FANCD2OS: variants seen among roughly 807,000 people sequenced by gnomAD.
FANCD2OS encodes FANCD2 opposite strand.
Under a neutral mutation model 13.2 loss-of-function variants are expected in FANCD2OS, and 11 were observed. That is an observed-to-expected ratio of 0.83 (90% CI 0.52 to 1.38). The LOEUF is 1.38. Ranked by LOEUF, FANCD2OS falls within the 40% of genes most tolerant of loss-of-function variation. The pLI is 0.00. For missense variants in FANCD2OS, 217 were observed against 213.9 expected (o/e 1.01, Z -0.09); for synonymous variants, 69 against 84.5 (o/e 0.82, Z 1.01).
chr3:10,098,595 A>C, downstream of FANCD2OS: 1 of 1,156,018 alleles, frequency 8.7e-7, no homozygotes, highest in Non-Finnish European at 1.2e-6. Context: ...GTTGGTATCC[A>C]TGTTTGCTGT....
chr3:10,104,106 AATC>A lies in FANCD2OS; in HGVS notation c.*132_*134del. On this transcript the variant is annotated 3_prime_UTR_variant, in exon 2 of 2. Transcript: ENST00000450660. ...GGGGAAGGGATGAAAGGGGCTCCTGAATCATCACTGCTTGAAACAAAAGCAAGA... is the reference window on the plus strand; with the variant it reads ...GGGGAAGGGATGAAAGGGGCTCCTGAATCACTGCTTGAAACAAAAGCAAGA... 1.3e-6 allele frequency: 1 copy of A among 782,002 alleles called. No homozygotes were observed. Among genetic ancestry groups the A allele is most frequent in the Non-Finnish European group, 2.0e-6 (1 of 504,880 alleles). The allele number at this position is 782,002 out of a possible 1,614,324, so 48.4% of individuals were successfully genotyped here.
intron 2 of FANCD2OS, chr3:10,096,305 A>G: frequency 6.2e-7 from 1 of 1,613,184 alleles, no homozygotes; most frequent in Admixed American, 1.7e-5. Flanking sequence ...CAAAAGATGG[A>G]TGTTATTTAT....
chr3:10,089,141 C>G (rs56252804), intron 2 of FANCD2OS, among the ~76,000 whole-genome samples: 2 of 151,940 alleles, frequency 1.3e-5, no homozygotes, highest in Non-Finnish European at 2.9e-5. Context: ...AAAAATTAGC[C>G]GGGCGTGGTG....
downstream of FANCD2OS, chr3:10,099,035 G>A: frequency 6.2e-7 from 1 of 1,607,486 alleles, no homozygotes; most frequent in South Asian, 1.1e-5. Flanking sequence ...TCGAGTTGTG[G>A]CATTTGTTAT....
chr3:10,096,806 T>C (rs1208974893), intron 2 of FANCD2OS, among the ~76,000 whole-genome samples: 1 of 152,210 alleles, frequency 6.6e-6, no homozygotes, highest in Non-Finnish European at 1.5e-5. Flanking sequence ...AACATTTTTG[T>C]ATAGGGACAA....
intron 2 of FANCD2OS, among the ~76,000 whole-genome samples, chr3:10,092,684 CTTTTTTTTTTTTT>C (rs565351425): frequency 2.8e-5 from 2 of 72,050 alleles, no homozygotes; most frequent in Middle Eastern, 7.4e-3. Flanking sequence ...TCTTTCATGT[CTTTTTTTTTTTTT>C]TTTTTTTTTT....
intron 2 of FANCD2OS, chr3:10,094,799 G>T: frequency 3.0e-6 from 1 of 332,370 alleles, no homozygotes; most frequent in Non-Finnish European, 5.8e-6. Flanking sequence ...CAGGGCTAGA[G>T]TGATGAATTA....
intron 2 of FANCD2OS, chr3:10,096,325 G>C (rs367976708): frequency 6.2e-7 from 1 of 1,613,916 alleles, no homozygotes; most frequent in Non-Finnish European, 8.5e-7. Flanking sequence ...TTTCCATTCA[G>C]ATTCACCAGG....
intron 2 of FANCD2OS, chr3:10,090,395 A>G: frequency 6.4e-7 from 1 of 1,565,826 alleles, no homozygotes; most frequent in South Asian, 1.1e-5. Context: ...GGTGAGTAAG[A>G]TAATAGTCAC....
At chr3:10,093,604 A>G (rs574353490) in intron 2 of FANCD2OS, among the ~76,000 whole-genome samples, 3 of 152,312 alleles carry the variant, frequency 2.0e-5, no homozygotes, top group African/African-American at 7.2e-5. Context: ...CTTCCGTGCC[A>G]TTCCTTACCA....
chr3:10,084,956 C>G (rs1694090590), intron 2 of FANCD2OS, among the ~76,000 whole-genome samples: 2 of 152,148 alleles, frequency 1.3e-5, no homozygotes, highest in Non-Finnish European at 2.9e-5. Flanking sequence ...AAAGGTGTCA[C>G]TATGATCTAC....
chr3:10,100,004 C>T (rs1041655519), downstream of FANCD2OS, among the ~76,000 whole-genome samples: 3 of 151,584 alleles, frequency 2.0e-5, no homozygotes, highest in Non-Finnish European at 4.4e-5. Context: ...AAGACCAACC[C>T]GAGACCCCAT....
intron 1 of FANCD2OS, among the ~76,000 whole-genome samples, chr3:10,105,424 G>C (rs975287493): frequency 1.3e-5 from 2 of 151,958 alleles, no homozygotes; most frequent in Non-Finnish European, 2.9e-5. Context: ...CTTATTACTT[G>C]AGATTAGAAG....
intron 1 of FANCD2OS, among the ~76,000 whole-genome samples, chr3:10,105,041 CAG>C (rs1275761865): frequency 1.3e-4 from 20 of 152,072 alleles, no homozygotes; most frequent in African/African-American, 4.6e-4. Context: ...TTTGTAGTGA[CAG>C]AGTTTTGCCA....
Position 10,090,487 on chromosome 3 carries a change from G to A in FANCD2OS, c.*44-8956C>T, listed in dbSNP as rs1161661748. The A allele has an allele frequency of 4.3e-6, 3 of 693,278 alleles. No homozygotes were observed. The African/African-American group carries it at 7.6e-5, about 18-fold the overall frequency. The allele number at this position is 693,278 out of a possible 1,614,324, so 42.9% of individuals were successfully genotyped here. A position where few individuals can be genotyped will look rare whatever the true frequency, so the allele number is the denominator to read the frequency against. On this transcript the variant is annotated intron_variant, in intron 2 of 2. Transcript: ENST00000524279. ...TTTTTTTTTTCTGAGACAGAGTCTTGCTTGTTCTGTTGCCCAGACTGGAGT... is the reference window on the plus strand; with the variant it reads ...TTTTTTTTTTCTGAGACAGAGTCTTACTTGTTCTGTTGCCCAGACTGGAGT...
At chr3:10,095,371 A>G in intron 2 of FANCD2OS, 1 of 987,566 alleles carries the variant, frequency 1.0e-6, no homozygotes, top group African/African-American at 1.6e-5. Flanking sequence ...CTTCCTTTAT[A>G]TCTGGGACTG....
chr3:10,099,687 G>C (rs1271316185), downstream of FANCD2OS: 1 of 152,946 alleles, frequency 6.5e-6, no homozygotes, highest in African/African-American at 2.4e-5. Context: ...GAACCTGGGA[G>C]GTGGAGGTTG....
At chr3:10,106,980 T>C (rs952713504) in intron 1 of FANCD2OS, among the ~76,000 whole-genome samples, 2 of 152,228 alleles carry the variant, frequency 1.3e-5, no homozygotes, top group East Asian at 3.8e-4. Flanking sequence ...GGGGGATTTG[T>C]TGATTTTCTC....
intron 2 of FANCD2OS, chr3:10,088,911 C>A (rs1428134141): frequency 6.2e-7 from 1 of 1,613,888 alleles, no homozygotes. Flanking sequence ...ATCAACTCTC[C>A]TAAAGATGCA....
Sources: allele counts gnomAD v4.1 joint callset (sites outside exome capture counted in the v4.1 genomes callset), GRCh38; gene constraint gnomAD v4.1.1; transcripts MANE v1.5; gene names NCBI Gene and HGNC (gene_info 2026-07-23, HGNC 2026-07-21).